The following CDH12 variants were observed in gnomAD, a reference collection of about 807,000 sequenced individuals.
CDH12 encodes cadherin 12, also known as cadherin-12.
CDH12 carries 41 observed loss-of-function variants against 74.1 expected under a neutral mutation model. That is an observed-to-expected ratio of 0.55 (90% CI 0.43 to 0.72). The LOEUF is 0.72. CDH12 is among the 30% of genes least tolerant of loss of function. The pLI, the probability that CDH12 is intolerant of heterozygous loss-of-function variation, is 0.00. For missense variants in CDH12, 945 were observed against 977.2 expected, an observed-to-expected ratio of 0.97 and a Z score of 0.44; for synonymous variants, 399 against 355.0, an observed-to-expected ratio of 1.12 and a Z score of -1.39.
In CDH12 at chr5:22,603,035, T is replaced by C. The variant is rs375428104; in HGVS notation, c.-522-97671A>G. ...TGTAAGAGGCTGATCACTTTCTCCTTACTCAAGCACAGTTCCTATTGACTA... is the reference window on the plus strand; with the variant it reads ...TGTAAGAGGCTGATCACTTTCTCCTCACTCAAGCACAGTTCCTATTGACTA... On this transcript the variant is annotated intron_variant, in intron 1 of 14. Coordinates refer to ENST00000382254, the MANE Select transcript of CDH12 (RefSeq NM_004061.5). Among the ~76,000 whole-genome samples, 3 of 152,296 alleles carry C rather than the reference T, an allele frequency of 2.0e-5. No homozygotes were observed. In the East Asian group the frequency reaches 5.8e-4, roughly 29 times the overall value.
intron 1 of CDH12, among the ~76,000 whole-genome samples, chr5:22,568,728 C>T (rs1424744987): frequency 6.6e-6 from 1 of 152,084 alleles, no homozygotes; most frequent in Non-Finnish European, 1.5e-5. Flanking sequence ...AAGAATAAAG[C>T]AAATATCATA....
At chr5:22,481,314 A>G (rs1746373452) in intron 2 of CDH12, among the ~76,000 whole-genome samples, 1 of 152,208 alleles carries the variant, frequency 6.6e-6, no homozygotes, top group African/African-American at 2.4e-5. Context: ...TTAAAAATAG[A>G]ATTACTATAT....
At chr5:22,651,592 T>C (rs533689082) in intron 1 of CDH12, among the ~76,000 whole-genome samples, 244 of 152,136 alleles carry the variant, frequency 1.6e-3, no homozygotes, top group Middle Eastern at 6.8e-3. Flanking sequence ...CACCACCTGG[T>C]CTCTCTCCCT....
chr5:22,770,631 C>A (rs759358907), intron 1 of CDH12, among the ~76,000 whole-genome samples: 5 of 152,076 alleles, frequency 3.3e-5, no homozygotes, highest in Non-Finnish European at 7.4e-5. Context: ...AAAACATATA[C>A]CTATGAGGTG....
At chr5:22,118,290 G>T (rs1745288298) in intron 4 of CDH12, among the ~76,000 whole-genome samples, 1 of 152,082 alleles carries the variant, frequency 6.6e-6, no homozygotes, top group South Asian at 2.1e-4. Context: ...AATCTTAAAT[G>T]AATCATTTTT....
chr5:21,868,147 CA>C (rs1751430650), intron 6 of CDH12, among the ~76,000 whole-genome samples: 1 of 151,288 alleles, frequency 6.6e-6, no homozygotes, highest in Non-Finnish European at 1.5e-5. Context: ...ACTGTGAGTC[CA>C]ATTAAACCTC....
chr5:22,348,263 G>A (rs113954306), intron 3 of CDH12, among the ~76,000 whole-genome samples: 8,598 of 152,222 alleles, frequency 0.056, 357 homozygotes, highest in African/African-American at 0.12. Context: ...TGCTTTTGAA[G>A]TAGAAGGAAT....
At chr5:22,443,198 G>A (rs946724400) in intron 2 of CDH12, among the ~76,000 whole-genome samples, 7 of 152,086 alleles carry the variant, frequency 4.6e-5, no homozygotes, top group Admixed American at 6.6e-5. Context: ...AGCAGAGTAC[G>A]TTTTTGTATG....
intron 1 of CDH12, among the ~76,000 whole-genome samples, chr5:22,591,735 A>G (rs1736335127): frequency 6.6e-6 from 1 of 152,148 alleles, no homozygotes; most frequent in African/African-American, 2.4e-5. Context: ...AGTTTTCCAT[A>G]ACACATATAG....
intron 2 of CDH12, among the ~76,000 whole-genome samples, chr5:22,447,921 C>A (rs1744885599): frequency 2.1e-5 from 3 of 145,312 alleles, no homozygotes; most frequent in Non-Finnish European, 4.5e-5. Flanking sequence ...GCGGGAGTAT[C>A]ACTTGAGCCA....
chr5:22,140,567 A>G (rs1010638792), intron 4 of CDH12, among the ~76,000 whole-genome samples: 7 of 152,102 alleles, frequency 4.6e-5, no homozygotes, highest in Non-Finnish European at 8.8e-5. Context: ...TAAACTAAGA[A>G]TTTTAGTCTA....
intron 3 of CDH12, among the ~76,000 whole-genome samples, chr5:22,309,374 AG>A (rs1423696957): frequency 1.3e-5 from 2 of 152,218 alleles, no homozygotes; most frequent in East Asian, 3.8e-4. Context: ...AGAACAAAAC[AG>A]GTAAAATAGT....
At chr5:22,442,416 G>T (rs1380539418) in intron 2 of CDH12, among the ~76,000 whole-genome samples, 1 of 152,110 alleles carries the variant, frequency 6.6e-6, no homozygotes, top group East Asian at 1.9e-4. Context: ...GAGACTGCAG[G>T]AATGCCTGTA....
intron 4 of CDH12, among the ~76,000 whole-genome samples, chr5:22,182,912 T>C (rs999976234): frequency 1.3e-5 from 2 of 152,068 alleles, no homozygotes; most frequent in Non-Finnish European, 2.9e-5. Context: ...TTATGGTGAA[T>C]TCTCAGTTAC....
At chr5:22,766,098 G>T (rs903535459) in intron 1 of CDH12, among the ~76,000 whole-genome samples, 2 of 151,886 alleles carry the variant, frequency 1.3e-5, no homozygotes, top group East Asian at 3.9e-4. Context: ...TACCATAATG[G>T]CAAAATAATC....
chr5:22,694,569 T>TC (rs1424357106), intron 1 of CDH12, among the ~76,000 whole-genome samples: 5 of 152,128 alleles, frequency 3.3e-5, no homozygotes, highest in Non-Finnish European at 7.4e-5. Context: ...TGGTTTCTTA[T>TC]AAATTTTTTT....
chr5:22,105,307 A>C (rs1412865286), intron 4 of CDH12, among the ~76,000 whole-genome samples: 1 of 150,820 alleles, frequency 6.6e-6, no homozygotes, highest in African/African-American at 2.4e-5. Flanking sequence ...GTTGGCCAGG[A>C]TGGTCTTGAT....
At chr5:22,610,543 A>C (rs1236706546) in intron 1 of CDH12, among the ~76,000 whole-genome samples, 1 of 152,080 alleles carries the variant, frequency 6.6e-6, no homozygotes, top group East Asian at 1.9e-4. Flanking sequence ...TACTTTGTAG[A>C]ATCTCAAAAA....
At chr5:22,288,259 T>C (rs1415818764) in intron 3 of CDH12, among the ~76,000 whole-genome samples, 2 of 152,142 alleles carry the variant, frequency 1.3e-5, no homozygotes, top group Non-Finnish European at 2.9e-5. Context: ...AGCAAAAATA[T>C]ACACTTATTG....
Sources: allele counts gnomAD v4.1 joint callset (sites outside exome capture counted in the v4.1 genomes callset), GRCh38; gene constraint gnomAD v4.1.1; transcripts MANE v1.5; gene names NCBI Gene and HGNC (gene_info 2026-07-23, HGNC 2026-07-21).